The following MERTK variants were observed in gnomAD, a reference collection of about 807,000 sequenced individuals.
The protein encoded by MERTK is MER proto-oncogene, tyrosine kinase.
A neutral mutation model predicts 99.3 loss-of-function variants in MERTK; 69 were observed. That is an observed-to-expected ratio of 0.70 (90% CI 0.57 to 0.85). The LOEUF is 0.85. Among genes scored for constraint, MERTK ranks in the 40% least tolerant of loss-of-function variants. The probability of loss-of-function intolerance (pLI) is 0.00; values close to 1 mark genes in which losing one functional copy is unlikely to be tolerated. For synonymous variants in MERTK, 426 were observed against 467.6 expected (o/e 0.91, Z 1.15); for missense variants, 1,125 against 1,249.4 (o/e 0.90, Z 1.50).
intron 1 of MERTK, among the ~76,000 whole-genome samples, chr2:111,904,979 C>T (rs1320862355): frequency 1.3e-5 from 2 of 152,234 alleles, no homozygotes; most frequent in Non-Finnish European, 2.9e-5. Flanking sequence ...AGTTCCCTCT[C>T]TTTTCATTCT....
At chr2:112,027,362 T>C (rs542653135) in intron 18 of MERTK, among the ~76,000 whole-genome samples, 7 of 151,524 alleles carry the variant, frequency 4.6e-5, no homozygotes, top group Non-Finnish European at 8.8e-5. Context: ...CCAATTAATA[T>C]GCCTGGCCCT....
chr2:111,933,558 A>C (rs1156476851), intron 2 of MERTK, among the ~76,000 whole-genome samples: 1 of 151,940 alleles, frequency 6.6e-6, no homozygotes, highest in Non-Finnish European at 1.5e-5. Flanking sequence ...TTTTTTTCTA[A>C]AAGGTATTAG....
chr2:111,957,453 C>A (rs183946593), intron 4 of MERTK, among the ~76,000 whole-genome samples: 19 of 152,240 alleles, frequency 1.2e-4, no homozygotes, highest in Non-Finnish European at 2.2e-4. Flanking sequence ...TCTCAAGGAA[C>A]CACCTCTGAT....
chr2:111,974,252 A>T (rs1027850456), intron 6 of MERTK, among the ~76,000 whole-genome samples: 4 of 135,874 alleles, frequency 2.9e-5, no homozygotes, highest in Non-Finnish European at 4.8e-5. Context: ...AAAAAAAAAA[A>T]GTTAGCCAGG....
chr2:112,005,040 T>C (rs890577980), intron 13 of MERTK, among the ~76,000 whole-genome samples: 1 of 152,136 alleles, frequency 6.6e-6, no homozygotes, highest in Non-Finnish European at 1.5e-5. Context: ...CACTGTAAAA[T>C]CTATGCAGTC....
rs562690264 is a variant in MERTK, at chr2:111,998,196, T to G, written c.1604+720T>G. On this transcript the variant is annotated intron_variant, in intron 10 of 18. Coordinates refer to ENST00000295408, the MANE Select transcript of MERTK (RefSeq NM_006343.3). ...ATCCCAGTCTTAGGGGTCAGTTACT[T>G]TAGTCTTTATAAGCCTATTCTTACA... Among the ~76,000 whole-genome samples, 4 of 152,352 alleles carry G rather than the reference T, an allele frequency of 2.6e-5. No individual in the cohort carries two copies. The East Asian group carries it at 7.7e-4, about 29-fold the overall frequency.
chr2:111,949,831 A>C (rs534317377), intron 4 of MERTK, among the ~76,000 whole-genome samples: 6 of 152,230 alleles, frequency 3.9e-5, no homozygotes, highest in Non-Finnish European at 8.8e-5. Context: ...AAAATGGAAT[A>C]TAAAGTATGT....
intron 1 of MERTK, among the ~76,000 whole-genome samples, chr2:111,922,884 G>A (rs1684490910): frequency 6.6e-6 from 1 of 152,202 alleles, no homozygotes; most frequent in African/African-American, 2.4e-5. Flanking sequence ...TTGAGGGTAG[G>A]ATGCACTAGT....
At chr2:111,989,346 T>C (rs946100674) in intron 8 of MERTK, among the ~76,000 whole-genome samples, 21 of 149,034 alleles carry the variant, frequency 1.4e-4, no homozygotes, top group African/African-American at 4.5e-4. Context: ...TTACGAGTTA[T>C]AGGGTTGTGA....
chr2:112,009,673 G>C (rs1677054487), intron 14 of MERTK, among the ~76,000 whole-genome samples: 1 of 152,090 alleles, frequency 6.6e-6, no homozygotes, highest in Non-Finnish European at 1.5e-5. Context: ...AGACTCAGTG[G>C]AACAGAAATT....
chr2:111,956,168 C>G (rs569437106), intron 4 of MERTK, among the ~76,000 whole-genome samples: 3 of 151,920 alleles, frequency 2.0e-5, no homozygotes, highest in African/African-American at 7.2e-5. Flanking sequence ...TAGACTGATG[C>G]CACTTTGCTG....
At chr2:112,003,558 G>C (rs1676912994) in intron 12 of MERTK, 1 of 350,704 alleles carries the variant, frequency 2.9e-6, no homozygotes, top group South Asian at 3.0e-5. Context: ...TATTTAACTT[G>C]TTAAGTTGTT....
At chr2:112,022,533 A>C in intron 18 of MERTK, 139 bp downstream of exon 18, 1 of 1,269,902 alleles carries the variant, frequency 7.9e-7, no homozygotes, top group Non-Finnish European at 1.1e-6. Context: ...GGTGGAACCC[A>C]CAGACACCCC....
At chr2:111,951,522 C>CATATATATATATATATATGTATATATAT (rs1685054518) in intron 4 of MERTK, among the ~76,000 whole-genome samples, 1 of 85,870 alleles carries the variant, frequency 1.2e-5, no homozygotes, top group Non-Finnish European at 2.5e-5. Context: ...ATAATATTCC[C>CATATATATATATATATATGTATATATAT]ATATATATAT....
rs374078768 is a variant in MERTK, at chr2:112,001,266, G to A, written c.1670G>A (p.Arg557Gln). The A allele has an allele frequency of 4.3e-5, 69 of 1,613,532 alleles. No individual in the cohort carries two copies. The highest frequency in any genetic ancestry group is 5.1e-5 in the Non-Finnish European group (60 of 1,179,626). The change falls in exon 11 of 19, where the codon CGG becomes CAG. Residue 557 changes from arginine (R) to glutamine (Q), a missense_variant. Physicochemically the swap from Arg to Gln is conservative, Grantham distance 43 (BLOSUM62 1). Coordinates refer to ENST00000295408, the MANE Select transcript of MERTK (RefSeq NM_006343.3). ...VNYIAKKSFC[R>Q]RAIELTLHSL... Reference sequence around the variant, plus strand: ...TATATAGCAAAGAAATCCTTCTGTCGGCGAGCCATTGAACTTACCTGTAAG... The same window carrying A: ...TATATAGCAAAGAAATCCTTCTGTCAGCGAGCCATTGAACTTACCTGTAAG...
intron 7 of MERTK, among the ~76,000 whole-genome samples, chr2:111,979,122 C>G (rs1332450815): frequency 6.6e-6 from 1 of 152,176 alleles, no homozygotes; most frequent in Admixed American, 6.5e-5. Context: ...GATTCTGGTG[C>G]CTTCTCCTGG....
chr2:112,009,985 G>T lies in MERTK; in HGVS notation c.1998G>T (p.Lys666Asn), dbSNP rs757089087. 1.2e-4 allele frequency: 195 copies of T among 1,613,798 alleles called. No homozygotes were observed. Among genetic ancestry groups the T allele is most frequent in the Non-Finnish European group, 1.4e-4 (167 of 1,179,862 alleles). The change falls in exon 15 of 19, where the codon AAG (lysine) becomes AAT (asparagine). Residue 666 changes from lysine (K) to asparagine (N), a missense_variant. Transcript: ENST00000295408. ...AAATGAGCTCTCAAGGCATCCCAAA[G>T]CCCATGGTAATTTTACCCTTCATGA... ...CIEMSSQGIPKPMVILPFMKY... is the reference protein window; with the variant it reads ...CIEMSSQGIPNPMVILPFMKY...
chr2:112,018,731 G>A (rs1015142168), intron 15 of MERTK, among the ~76,000 whole-genome samples: 3 of 152,124 alleles, frequency 2.0e-5, no homozygotes, highest in Non-Finnish European at 2.9e-5. Context: ...TCCAACAGTG[G>A]CTGGTTTTCT....
At chr2:111,940,664 C>T (rs553220981) in intron 2 of MERTK, 29 of 709,372 alleles carry the variant, frequency 4.1e-5, no homozygotes, top group Admixed American at 3.0e-4. Flanking sequence ...GGATTATTTA[C>T]GTCCAAATTT....
Sources: gnomAD v4.1 joint callset for allele counts (sites outside exome capture counted in the v4.1 genomes callset) on GRCh38, gnomAD v4.1.1 for gene constraint, MANE v1.5 for transcripts, NCBI Gene and HGNC (gene_info 2026-07-23, HGNC 2026-07-21) for gene names.